Variants in ECEL1 observed in about 807,000 individuals in gnomAD.
ECEL1 encodes endothelin-converting enzyme-like 1.
ECEL1 carries 87 observed loss-of-function variants against 101.8 expected under a neutral mutation model. The observed-to-expected ratio is 0.85, with a 90% CI of 0.72 to 1.02. ECEL1 has a LOEUF of 1.02. Among genes scored for constraint, ECEL1 ranks in the 50% least tolerant of loss-of-function variants. ECEL1 has a pLI of 0.00. For missense variants in ECEL1, 1,032 were observed against 1,079.2 expected (o/e 0.96, Z 0.61); for synonymous variants, 487 against 468.7 (o/e 1.04, Z -0.50).
Position 232,481,566 on chromosome 2 carries a change from G to A in ECEL1, c.1929C>T (p.Phe643=), listed in dbSNP as rs1177823366. The stretch of plus-strand genomic sequence containing the variant: ...GGACGATGCACTCAGCCTTTCGCAG[G>A]AAGCGGCTGTAGGAGGCCTCCGTCC... ...HWWTEASYSR[F]LRKAECIVRL... The change falls in exon 14 of 18, where the codon TTC becomes TTT. Residue 643 remains phenylalanine, a synonymous_variant. Transcript: ENST00000304546. 6.2e-7 allele frequency: 1 copy of A among 1,613,846 alleles called. No homozygotes were observed. Among genetic ancestry groups the A allele is most frequent in the East Asian group, 2.2e-5 (1 of 44,882 alleles).
Position 232,486,740 on chromosome 2 carries a change from G to T in ECEL1, c.-87C>A. Reference sequence around the variant, plus strand: ...CGGCCTCCTCGTGGGCCTCCGCATGGCCCTGGGGCCGCAGCTGCGGGAAGG... The same window carrying T: ...CGGCCTCCTCGTGGGCCTCCGCATGTCCCTGGGGCCGCAGCTGCGGGAAGG... On this transcript the variant is annotated 5_prime_UTR_variant, in exon 2 of 18. Transcript: ENST00000304546. 1 of 1,303,422 alleles carries T rather than the reference G, an allele frequency of 7.7e-7. No individual in the cohort carries two copies. Among genetic ancestry groups the T allele is most frequent in the Non-Finnish European group, 9.8e-7 (1 of 1,019,002 alleles). 80.7% of individuals were successfully genotyped at this position (1,303,422 alleles called of 1,614,324 possible). A position where few individuals can be genotyped will look rare whatever the true frequency, so the allele number is the denominator to read the frequency against.
intron 16 of ECEL1, 43 bp from the exon 17 acceptor site, chr2:232,480,518 G>A: frequency 6.2e-7 from 1 of 1,606,500 alleles, no homozygotes; most frequent in Non-Finnish European, 8.5e-7. Context: ...GGGAGATGAA[G>A]CCAGGCATCC....
At chr2:232,487,466 C>G (rs1220778453) in intron 1 of ECEL1, among the ~76,000 whole-genome samples, 1 of 152,114 alleles carries the variant, frequency 6.6e-6, no homozygotes, top group Non-Finnish European at 1.5e-5. Flanking sequence ...AACAGGTTCT[C>G]CCCAGAACCC....
intron 8 of ECEL1, 24 bp from the exon 9 acceptor site, chr2:232,483,203 G>A: frequency 1.3e-6 from 2 of 1,589,724 alleles, no homozygotes; most frequent in Non-Finnish European, 1.7e-6. Context: ...GCAGGTGAAG[G>A]TGGCACCAGG....
chr2:232,483,651 G>A (rs1196127023), intron 7 of ECEL1, 137 bp from the exon 8 acceptor site: 1 of 744,456 alleles, frequency 1.3e-6, no homozygotes, highest in Non-Finnish European at 2.1e-6. Flanking sequence ...GGATACTTTG[G>A]AGGTGAGGAT....
chr2:232,484,163 C>T lies in ECEL1; in HGVS notation c.1245G>A (p.Pro415=), dbSNP rs374449970. Reference sequence around the variant, plus strand: ...GCTCGTGCAGTGCCTCACGGAATGGCGGGGACAGGTGTTCACTCAGGACCA... The same window carrying T: ...GCTCGTGCAGTGCCTCACGGAATGGTGGGGACAGGTGTTCACTCAGGACCA... The part of the protein sequence containing the change: ...VVVVLSEHLS[P]PFREALHELA... Residue 415 remains proline, a synonymous_variant, in exon 7 of 18, where the codon CCG becomes CCA. Coordinates refer to ENST00000304546, the MANE Select transcript of ECEL1 (RefSeq NM_004826.4). 15 of 1,613,418 alleles carry T rather than the reference C, an allele frequency of 9.3e-6. No homozygotes were observed. The highest frequency in any genetic ancestry group is 2.2e-5 in the East Asian group (1 of 44,898).
In ECEL1 at chr2:232,485,861, C is replaced by G; in HGVS notation, c.786+7G>C. On this transcript the variant is annotated splice_region_variant and intron_variant, in intron 2 of 17. Transcript: ENST00000304546. Reference sequence around the variant, plus strand: ...CCGCTGGCAGGGCGCTCAGGGGGCGCACTCACGCGGATGACGTAGCGCGAG... The same window carrying G: ...CCGCTGGCAGGGCGCTCAGGGGGCGGACTCACGCGGATGACGTAGCGCGAG... The G allele has an allele frequency of 6.5e-7, 1 of 1,547,514 alleles. No individual in the cohort carries two copies.
chr2:232,482,264 G>A (rs1373498657), intron 12 of ECEL1, among the ~76,000 whole-genome samples, 154 bp downstream of exon 12: 1 of 152,198 alleles, frequency 6.6e-6, no homozygotes, highest in Non-Finnish European at 1.5e-5. Flanking sequence ...AACCAAGGAT[G>A]TAGTGGGGAG....
chr2:232,483,658 G>C, intron 7 of ECEL1, 144 bp from the exon 8 acceptor site: 1 of 716,342 alleles, frequency 1.4e-6, no homozygotes, highest in Non-Finnish European at 2.2e-6. Flanking sequence ...TTGGAGGTGA[G>C]GATCCAGGCC....
chr2:232,483,516 T>G lies in ECEL1; in HGVS notation c.1408-2A>C. ...GATGTCTTCCACTAGCTGCTGCACC[T>G]GCAGGGTCAGGGGTCAGGGAGCAAG... On this transcript the variant is annotated splice_acceptor_variant, in intron 7 of 17. Transcript: ENST00000304546. LOFTEE classifies it high-confidence loss of function. 1 of 1,603,608 alleles carries G rather than the reference T, an allele frequency of 6.2e-7. No individual in the cohort carries two copies.
chr2:232,480,372 C>T (rs756331377), intron 17 of ECEL1, 27 bp downstream of exon 17: 2 of 1,612,866 alleles, frequency 1.2e-6, no homozygotes, highest in Admixed American at 3.3e-5. Flanking sequence ...AAGGAGTGGA[C>T]AAGGCCAGGC....
chr2:232,481,867 G>C lies in ECEL1; in HGVS notation c.1797-18C>G. ...TGAGAGACCTGGGCCCACAGCAGCA[G>C]CATCAGGCCCTAGCCCTCCACCCTC... On this transcript the variant is annotated intron_variant, in intron 12 of 17. Coordinates refer to ENST00000304546, the MANE Select transcript of ECEL1 (RefSeq NM_004826.4). 1 of 1,613,724 alleles carries C rather than the reference G, an allele frequency of 6.2e-7. No individual in the cohort carries two copies. The highest frequency in any genetic ancestry group is 8.5e-7 in the Non-Finnish European group (1 of 1,179,902).
chr2:232,480,086 T>C lies in ECEL1; in HGVS notation c.*67A>G. ...GCGGGGCTGGCACCGGGTGCATGCC[T>C]GCCCCGGTAGCCAGCAGGAGGTGAT... is the stretch of plus-strand genomic sequence containing the variant. On this transcript the variant is annotated 3_prime_UTR_variant, in exon 18 of 18. Transcript: ENST00000304546. 1.3e-6 allele frequency: 2 copies of C among 1,510,478 alleles called. No individual in the cohort carries two copies. Among genetic ancestry groups the C allele is most frequent in the Non-Finnish European group, 1.8e-6 (2 of 1,096,518 alleles). The allele number at this position is 1,510,478 out of a possible 1,614,324, so 93.6% of individuals were successfully genotyped here.
intron 2 of ECEL1, 103 bp from the exon 3 acceptor site, chr2:232,485,370 G>A (rs1031262082): frequency 1.5e-6 from 2 of 1,335,396 alleles, no homozygotes; most frequent in East Asian, 4.9e-5. Flanking sequence ...AGACATCCAT[G>A]AGTACAGCCA....
At position 232,480,772 on chromosome 2, in the gene ECEL1, T is replaced by G. The variant is rs1690557468; in HGVS notation, c.2097A>C (p.Pro699=). 6.2e-7 allele frequency: 1 copy of G among 1,614,020 alleles called. No homozygotes were observed. Among genetic ancestry groups the G allele is most frequent in the Non-Finnish European group, 8.5e-7 (1 of 1,179,986 alleles). Residue 699 remains proline (P), a synonymous_variant, in exon 16 of 18, where the codon CCA becomes CCC. Coordinates refer to ENST00000304546, the MANE Select transcript of ECEL1 (RefSeq NM_004826.4). ...KWVREHGPEH[P]LPRLKYTHDQ... is the part of the protein sequence containing the mutation. ...CATGTGTGTACTTGAGCCGGGGAAG[T>G]GGGTGCTCTGGGCCGTGCTCCCGCA...
At position 232,481,527 on chromosome 2, in the gene ECEL1, G is replaced by T; in HGVS notation, c.1968C>A (p.Asn656Lys). The change falls in exon 14 of 18, where the codon AAC becomes AAA. Residue 656 changes from asparagine (N) to lysine (K), a missense_variant. Physicochemically the swap from Asn to Lys is moderately conservative, Grantham distance 94. Transcript: ENST00000304546. The part of the protein sequence containing the change: ...KAECIVRLYD[N>K]FTVYNQRVNG... ...TCACCCGCTGGTTGTAGACAGTGAAGTTGTCATAGAGACGGACGATGCACT... is the reference window on the plus strand; with the variant it reads ...TCACCCGCTGGTTGTAGACAGTGAATTTGTCATAGAGACGGACGATGCACT... The T allele has an allele frequency of 6.2e-7, 1 of 1,612,798 alleles. No individual in the cohort carries two copies. Among genetic ancestry groups the T allele is most frequent in the Non-Finnish European group, 8.5e-7 (1 of 1,179,586 alleles).
At chr2:232,480,969 G>T in intron 15 of ECEL1, 122 bp downstream of exon 15, 2 of 1,405,308 alleles carry the variant, frequency 1.4e-6, no homozygotes, top group Non-Finnish European at 2.0e-6. Flanking sequence ...CACATGCCCT[G>T]CCCCACCCCA....
intron 17 of ECEL1, 59 bp from the exon 18 acceptor site, chr2:232,480,311 C>T: frequency 6.2e-7 from 1 of 1,611,508 alleles, no homozygotes; most frequent in East Asian, 2.2e-5. Flanking sequence ...GCCCCAGCAA[C>T]CAGGGGTGAC....
chr2:232,487,579 G>GGGAGCC (rs1690765233), intron 1 of ECEL1, 140 bp downstream of exon 1: 2 of 152,510 alleles, frequency 1.3e-5, no homozygotes, highest in African/African-American at 4.8e-5. Context: ...AGCCGAGCCC[G>GGGAGCC]GGAGCCGCAG....
Sources: gnomAD v4.1 joint callset for allele counts (sites outside exome capture counted in the v4.1 genomes callset) on GRCh38, gnomAD v4.1.1 for gene constraint, MANE v1.5 for transcripts, NCBI Gene and HGNC (gene_info 2026-07-23, HGNC 2026-07-21) for gene names.